SRCIN1: variants seen among roughly 807,000 people sequenced by gnomAD.
SRCIN1 encodes SRC kinase signaling inhibitor 1, also known as P130Cas-associated protein.
In SRCIN1, 50 loss-of-function variants were observed where a neutral mutation model predicts 116.2. That is an observed-to-expected ratio of 0.43 (90% CI 0.34 to 0.54). SRCIN1 has a LOEUF of 0.54. Ranked by LOEUF, SRCIN1 falls within the 20% of genes least tolerant of loss-of-function variation. The probability of loss-of-function intolerance (pLI) is 0.02; values close to 1 mark genes in which losing one functional copy is unlikely to be tolerated. For synonymous variants in SRCIN1, 736 were observed against 750.0 expected, an observed-to-expected ratio of 0.98 and a Z score of 0.30; for missense variants, 1,446 against 1,672.0, an observed-to-expected ratio of 0.86 and a Z score of 2.36.
chr17:38,537,527 C>T (rs1294183544), intron 18 of SRCIN1, among the ~76,000 whole-genome samples: 3 of 152,066 alleles, frequency 2.0e-5, no homozygotes, highest in Non-Finnish European at 4.4e-5. Flanking sequence ...CTCTGTGGCT[C>T]ATGCCTGTAA....
In SRCIN1 at chr17:38,562,975, A is replaced by G. The variant is rs924575980; in HGVS notation, c.741-55T>C. 7 of 1,428,982 alleles carry G rather than the reference A, an allele frequency of 4.9e-6. No homozygotes were observed. In the Admixed American group the frequency reaches 1.1e-4, roughly 22 times the overall value. 88.5% of individuals were successfully genotyped at this position (1,428,982 alleles called of 1,614,324 possible). A position where few individuals can be genotyped will look rare whatever the true frequency, so the allele number is the denominator to read the frequency against. On this transcript the variant is annotated intron_variant, in intron 5 of 18. Transcript: ENST00000617146. The surrounding 1 kb of genome is among the most constrained non-coding windows in gnomAD (Gnocchi z 4.2). ...ACCCATCCCCCAGCTGTGCACAATG[A>G]GAAGGGATGGCTACTCCAGGCCTAG...
chr17:38,573,030 G>A lies in SRCIN1; in HGVS notation c.325-4799C>T, dbSNP rs28554081. On this transcript the variant is annotated intron_variant, in intron 2 of 18. Coordinates refer to ENST00000617146, the MANE Select transcript of SRCIN1 (RefSeq NM_025248.3). ...CACCCGATACGCCGGCCTGGCGCCCGGGACTCGGGTTGCAGCAGGAGGGAG... is the reference window on the plus strand; with the variant it reads ...CACCCGATACGCCGGCCTGGCGCCCAGGACTCGGGTTGCAGCAGGAGGGAG... 7.2e-3 allele frequency among the ~76,000 whole-genome samples: 1,091 copies of A among 152,226 alleles called. 13 individuals carry two copies. The highest frequency in any genetic ancestry group is 0.025 in the African/African-American group (1,055 of 41,572).
chr17:38,578,921 G>A lies in SRCIN1; in HGVS notation c.23-130C>T, dbSNP rs141824529. 556 of 1,098,956 alleles carry A rather than the reference G, an allele frequency of 5.1e-4. 4 individuals are homozygous for A. In the East Asian group the frequency reaches 0.014, roughly 29 times the overall value. 68.1% of individuals were successfully genotyped at this position (1,098,956 alleles called of 1,614,324 possible). A position where few individuals can be genotyped will look rare whatever the true frequency, so the allele number is the denominator to read the frequency against. On this transcript the variant is annotated intron_variant, in intron 1 of 18. Transcript: ENST00000617146. Reference sequence around the variant, plus strand: ...GAGAGTGGAGAGGCGCCCGGGGAGAGGCAGGGGCTGCCCAGCACCCCACTA... The same window carrying A: ...GAGAGTGGAGAGGCGCCCGGGGAGAAGCAGGGGCTGCCCAGCACCCCACTA...
chr17:38,561,054 C>G (rs1398977807), intron 7 of SRCIN1, among the ~76,000 whole-genome samples: 1 of 152,216 alleles, frequency 6.6e-6, no homozygotes, highest in Non-Finnish European at 1.5e-5. Flanking sequence ...TTTTCAACAG[C>G]ACCCTCCTCC....
intron 1 of SRCIN1, among the ~76,000 whole-genome samples, chr17:38,589,486 G>A (rs1189274622): frequency 6.6e-6 from 1 of 152,172 alleles, no homozygotes; most frequent in Non-Finnish European, 1.5e-5. Flanking sequence ...TTTCCACTTT[G>A]CCAGGTTCGG....
chr17:38,596,406 GAC>G (rs1908733892), intron 1 of SRCIN1, among the ~76,000 whole-genome samples: 1 of 152,108 alleles, frequency 6.6e-6, no homozygotes, highest in African/African-American at 2.4e-5. Flanking sequence ...ACTGGTGGGA[GAC>G]AGACAGGGGG....
chr17:38,550,769 C>T (rs1398121700), intron 15 of SRCIN1, among the ~76,000 whole-genome samples: 1 of 152,234 alleles, frequency 6.6e-6, no homozygotes, highest in Non-Finnish European at 1.5e-5. Flanking sequence ...CTGCCACTCC[C>T]GGGACCGTGA....
chr17:38,546,671 G>A (rs1905095619), intron 17 of SRCIN1: 1 of 152,546 alleles, frequency 6.6e-6, no homozygotes, highest in African/African-American at 2.4e-5. Context: ...AGCCCAGGAG[G>A]CGCCCCTTCC....
Position 38,561,726 on chromosome 17 carries a change from G to C in SRCIN1, c.1437C>G (p.Ala479=), listed in dbSNP as rs1906262219. ...GACCTCCGGGGGGTGCTGCCACGTC[G>C]GCCAGCTTCTGCGGTGACGAAGGCG... ...RLPPSSPQKL[A]DVAAPPGGPP... The change falls in exon 7 of 19, where the codon GCC becomes GCG. Residue 479 remains alanine (A), a synonymous_variant. Coordinates refer to ENST00000617146, the MANE Select transcript of SRCIN1 (RefSeq NM_025248.3). 3 of 1,526,160 alleles carry C rather than the reference G, an allele frequency of 2.0e-6. No individual in the cohort carries two copies. Among genetic ancestry groups the C allele is most frequent in the Admixed American group, 2.0e-5 (1 of 49,820 alleles). 94.5% of individuals were successfully genotyped at this position (1,526,160 alleles called of 1,614,324 possible).
In SRCIN1 at chr17:38,560,419, G is replaced by A. The variant is rs1446695036; in HGVS notation, c.1707C>T (p.Arg569=). ...CAATCTGCTTCTCCATGGCCTCCAT[G>A]CGCTCCCTGGGGAGGAAGGGGGTCT... The part of the protein sequence containing the change: ...VPAKDTETRE[R]MEAMEKQIAS... Residue 569 remains arginine (R), a synonymous_variant, in exon 8 of 19, where the codon CGC becomes CGT. Coordinates refer to ENST00000617146, the MANE Select transcript of SRCIN1 (RefSeq NM_025248.3). The A allele has an allele frequency of 8.1e-6, 13 of 1,610,360 alleles. No homozygotes were observed.
chr17:38,577,874 G>A (rs1330608482), intron 2 of SRCIN1, among the ~76,000 whole-genome samples: 3 of 152,276 alleles, frequency 2.0e-5, no homozygotes, highest in Non-Finnish European at 2.9e-5. Flanking sequence ...AAGCCCTACT[G>A]ATGGCAGGAG....
Position 38,604,503 on chromosome 17 carries a change from C to T in SRCIN1, c.22+1181G>A, listed in dbSNP as rs2143485915. 1 of 454,880 alleles carries T rather than the reference C, an allele frequency of 2.2e-6. No individual in the cohort carries two copies. The highest frequency in any genetic ancestry group is 1.6e-5 in the South Asian group (1 of 64,348). 28.2% of individuals were successfully genotyped at this position (454,880 alleles called of 1,614,324 possible). A position where few individuals can be genotyped will look rare whatever the true frequency, so the allele number is the denominator to read the frequency against. On this transcript the variant is annotated intron_variant, in intron 1 of 18. Coordinates refer to ENST00000617146, the MANE Select transcript of SRCIN1 (RefSeq NM_025248.3). This position sits in a 1 kb window ranked among gnomAD's most constrained non-coding sequence, Gnocchi z 4.3. ...CCTGGCTCCCCTCGGCCCCCAGGGT[C>T]CCTCGGTCCAGCCTCCTCCCTGGGA... is the stretch of plus-strand genomic sequence containing the variant.
rs867432324 is a variant in SRCIN1, at chr17:38,559,374, G to A, written c.2025+211C>T. The A allele has an allele frequency of 1.2e-5, 7 of 588,948 alleles. No homozygotes were observed. The South Asian group carries it at 1.4e-4, about 12-fold the overall frequency. 36.5% of individuals were successfully genotyped at this position (588,948 alleles called of 1,614,324 possible). A position where few individuals can be genotyped will look rare whatever the true frequency, so the allele number is the denominator to read the frequency against. The stretch of plus-strand genomic sequence containing the variant: ...GGTCACGGGCGAGGGATAAGGCCTT[G>A]GTGAGGAAGTGGAGGTTCAGCGAGG... On this transcript the variant is annotated intron_variant, in intron 10 of 18. Coordinates refer to ENST00000617146, the MANE Select transcript of SRCIN1 (RefSeq NM_025248.3).
intron 17 of SRCIN1, among the ~76,000 whole-genome samples, chr17:38,548,218 G>A (rs1045747397): frequency 1.3e-5 from 2 of 152,048 alleles, no homozygotes; most frequent in African/African-American, 4.8e-5. Context: ...AGCATGAGCT[G>A]ATCTCAGAAC....
chr17:38,599,337 A>G (rs2143454893), intron 1 of SRCIN1, among the ~76,000 whole-genome samples: 1 of 152,240 alleles, frequency 6.6e-6, no homozygotes, highest in African/African-American at 2.4e-5. Context: ...GGAGCAGAGG[A>G]GCAGCTTCTC....
chr17:38,540,020 CAAAAAA>C (rs71138631), intron 18 of SRCIN1, among the ~76,000 whole-genome samples: 3 of 60,986 alleles, frequency 4.9e-5, no homozygotes, highest in African/African-American at 5.7e-5. Flanking sequence ...GACTCCATCT[CAAAAAA>C]AAAAAAAAAA....
In SRCIN1 at chr17:38,561,714, T is replaced by A. The variant is rs111882584; in HGVS notation, c.1449A>T (p.Ala483=). 60 of 1,531,380 alleles carry A rather than the reference T, an allele frequency of 3.9e-5. No homozygotes were observed. In the African/African-American group the frequency reaches 6.4e-4, roughly 16 times the overall value. The allele number at this position is 1,531,380 out of a possible 1,614,324, so 94.9% of individuals were successfully genotyped here. Residue 483 remains alanine, a synonymous_variant, in exon 7 of 19, where the codon GCA becomes GCT. Coordinates refer to ENST00000617146, the MANE Select transcript of SRCIN1 (RefSeq NM_025248.3). ...GCGGTGGCGGGGGACCTCCGGGGGGTGCTGCCACGTCGGCCAGCTTCTGCG... is the reference window on the plus strand; with the variant it reads ...GCGGTGGCGGGGGACCTCCGGGGGGAGCTGCCACGTCGGCCAGCTTCTGCG... ...SSPQKLADVA[A]PPGGPPPPHS...
In SRCIN1 at chr17:38,551,265, GCA is replaced by G; in HGVS notation, c.2850_2851del (p.Ala951GlnfsTer38). 1 of 1,613,444 alleles carries G rather than the reference GCA, an allele frequency of 6.2e-7. No homozygotes were observed. The highest frequency in any genetic ancestry group is 8.5e-7 in the Non-Finnish European group (1 of 1,179,762). ...GGCCGGGCCTGGATGGGCCTTGCTG[GCA>G]CAGTCCAGGTCAGGGATGGCCTTGA... On this transcript the variant is annotated frameshift_variant, in exon 15 of 19. Transcript: ENST00000617146. LOFTEE classifies it high-confidence loss of function.
At chr17:38,579,590 T>G (rs1230029997) in intron 1 of SRCIN1, among the ~76,000 whole-genome samples, 5 of 151,884 alleles carry the variant, frequency 3.3e-5, no homozygotes, top group Admixed American at 3.3e-4. Context: ...CCCCCACCTC[T>G]CCCCTCCCTT....
Sources: allele counts gnomAD v4.1 joint callset (sites outside exome capture counted in the v4.1 genomes callset), GRCh38; gene constraint gnomAD v4.1.1; non-coding constraint Gnocchi (gnomAD v3.1); transcripts MANE v1.5; gene names NCBI Gene and HGNC (gene_info 2026-07-23, HGNC 2026-07-21).